TM9SF3: variants seen among roughly 807,000 people sequenced by gnomAD.
TM9SF3 encodes transmembrane 9 superfamily member 3, also known as SM-11044-binding protein.
In TM9SF3, 14 loss-of-function variants were observed where a neutral mutation model predicts 78.6. That is an observed-to-expected ratio of 0.18 (90% CI 0.12 to 0.28). The LOEUF (loss-of-function observed/expected upper bound fraction) is 0.28, where lower values mean the gene tolerates loss of function less well. Among genes scored for constraint, TM9SF3 ranks in the 10% least tolerant of loss-of-function variants. The probability of loss-of-function intolerance (pLI) is 1.00; values close to 1 mark genes in which losing one functional copy is unlikely to be tolerated. For missense variants in TM9SF3, 496 were observed against 721.9 expected, an observed-to-expected ratio of 0.69 and a Z score of 3.59; for synonymous variants, 231 against 241.7, an observed-to-expected ratio of 0.96 and a Z score of 0.41.
intron 9 of TM9SF3, among the ~76,000 whole-genome samples, chr10:96,540,671 C>T (rs1848015529): frequency 6.9e-6 from 1 of 145,248 alleles, no homozygotes; most frequent in African/African-American, 2.6e-5. Context: ...AGTCTTTGAT[C>T]TTGATATCTT....
chr10:96,564,836 T>C (rs1848351387), intron 3 of TM9SF3, among the ~76,000 whole-genome samples: 1 of 152,200 alleles, frequency 6.6e-6, no homozygotes, highest in South Asian at 2.1e-4. Flanking sequence ...TCCATTAATA[T>C]GGATAAATAA....
intron 1 of TM9SF3, among the ~76,000 whole-genome samples, chr10:96,578,388 A>G (rs1322491139): frequency 6.6e-6 from 1 of 152,230 alleles, no homozygotes; most frequent in Non-Finnish European, 1.5e-5. Context: ...AATAAGTATT[A>G]TAATTAAGGT....
At chr10:96,543,137 T>C (rs559862706) in intron 9 of TM9SF3, among the ~76,000 whole-genome samples, 2 of 152,342 alleles carry the variant, frequency 1.3e-5, no homozygotes, top group East Asian at 3.9e-4. Context: ...GCCTTCACTC[T>C]AGTCTAGGCC....
chr10:96,562,236 T>TTTTTA, intron 3 of TM9SF3, 98 bp from the exon 4 acceptor site: 1 of 917,156 alleles, frequency 1.1e-6, no homozygotes, highest in Non-Finnish European at 1.6e-6. Flanking sequence ...TTTTTTTTTT[T>TTTTTA]ACCTCCGCCC....
chr10:96,527,337 T>A (rs10786298), intron 13 of TM9SF3, 48 bp from the exon 14 acceptor site: 1,589,074 of 1,591,020 alleles, frequency 1, 793,590 homozygotes, highest in East Asian at 1. Flanking sequence ...TACTTTCAAC[T>A]TAAGGCCTTA....
At chr10:96,567,743 A>G (rs1041270018) in intron 2 of TM9SF3, among the ~76,000 whole-genome samples, 1 of 152,148 alleles carries the variant, frequency 6.6e-6, no homozygotes, top group African/African-American at 2.4e-5. Flanking sequence ...CTTTGTCCAT[A>G]ACTGATTATA....
intron 3 of TM9SF3, among the ~76,000 whole-genome samples, chr10:96,563,052 A>AG (rs11429843): frequency 0.21 from 32,627 of 152,082 alleles, 3,949 homozygotes; most frequent in Admixed American, 0.31. Flanking sequence ...TTGGGATTGT[A>AG]GGGGATAATG....
chr10:96,561,953 T>A, intron 4 of TM9SF3, 25 bp downstream of exon 4: 1 of 1,585,674 alleles, frequency 6.3e-7, no homozygotes, highest in African/African-American at 1.4e-5. Context: ...CACTACTTCC[T>A]ACATTAAACT....
chr10:96,577,726 T>A (rs1244878716), intron 1 of TM9SF3, among the ~76,000 whole-genome samples: 2 of 152,224 alleles, frequency 1.3e-5, no homozygotes, highest in African/African-American at 4.8e-5. Flanking sequence ...ACTAAGTGCT[T>A]AGCATGTGAA....
At position 96,531,936 on chromosome 10, in the gene TM9SF3, C is replaced by T. The variant is rs563378204; in HGVS notation, c.1325+1115G>A. 6.6e-5 allele frequency among the ~76,000 whole-genome samples: 10 copies of T among 152,172 alleles called. No homozygotes were observed. The East Asian group carries it at 1.5e-3, about 24-fold the overall frequency. ...TTTAAAAAATAAACTACAGGCTGGG[C>T]GTGGTGGCTTACGCCTGTAATCCCA... On this transcript the variant is annotated intron_variant, in intron 10 of 14. Transcript: ENST00000371142.
chr10:96,541,327 G>T (rs1268760199), intron 9 of TM9SF3, among the ~76,000 whole-genome samples: 1 of 152,012 alleles, frequency 6.6e-6, no homozygotes, highest in African/African-American at 2.4e-5. Context: ...AATCATTCTT[G>T]GATAAATTCC....
intron 2 of TM9SF3, chr10:96,576,277 A>C (rs995382034): frequency 6.5e-6 from 1 of 153,850 alleles, no homozygotes; most frequent in African/African-American, 2.4e-5. Flanking sequence ...CAATTTTATT[A>C]ACAATTATCT....
intron 1 of TM9SF3, 30 bp downstream of exon 1, chr10:96,586,703 CG>C: frequency 8.2e-7 from 1 of 1,218,818 alleles, no homozygotes; most frequent in South Asian, 3.8e-5. Context: ...GGAGCTAGCC[CG>C]GGGCGGCCGC....
In TM9SF3 at chr10:96,518,882, T is replaced by C. The variant is rs1847726152; in HGVS notation, c.*3381A>G. 1 of 152,078 alleles carries C rather than the reference T, an allele frequency of 6.6e-6. No individual in the cohort carries two copies. The highest frequency in any genetic ancestry group is 6.5e-5 in the Admixed American group (1 of 15,278). 9.4% of individuals were successfully genotyped at this position (152,078 alleles called of 1,614,324 possible). On this transcript the variant is annotated 3_prime_UTR_variant, in exon 15 of 15. Coordinates refer to ENST00000371142, the MANE Select transcript of TM9SF3 (RefSeq NM_020123.4). ...TAACTATAGAATTTTAGTGAAGATA[T>C]AAAACATTAATGAATACTTGTGTTT...
At chr10:96,543,162 T>C (rs1848054122) in intron 9 of TM9SF3, among the ~76,000 whole-genome samples, 3 of 152,186 alleles carry the variant, frequency 2.0e-5, no homozygotes, top group Non-Finnish European at 4.4e-5. Context: ...ATTCTGTTTC[T>C]AGTAAAAAGG....
intron 7 of TM9SF3, among the ~76,000 whole-genome samples, chr10:96,549,817 T>TAAAAAAAAAAA (rs35197761): frequency 7.1e-6 from 1 of 140,450 alleles, no homozygotes; most frequent in Non-Finnish European, 1.5e-5. Context: ...TTCTGCATTT[T>TAAAAAAAAAAA]AAAAAAAAAA....
chr10:96,565,477 C>CA, intron 2 of TM9SF3, 51 bp from the exon 3 acceptor site: 1 of 1,458,014 alleles, frequency 6.9e-7, no homozygotes, highest in Non-Finnish European at 9.0e-7. Context: ...AAAATAGTTA[C>CA]ATTAAAAAAA....
At chr10:96,570,178 G>A (rs1338225708) in intron 2 of TM9SF3, among the ~76,000 whole-genome samples, 1 of 152,198 alleles carries the variant, frequency 6.6e-6, no homozygotes, top group Admixed American at 6.5e-5. Flanking sequence ...CTTACTAAAT[G>A]TGTTAGAATG....
chr10:96,522,703 AAATC>A lies in TM9SF3; in HGVS notation c.1703-377_1703-374del, dbSNP rs1847793361. ...ATACTATTCTAGGTCATTAAAGTAA[AAATC>A]AATATATCTTCCCAAAATCCAATAG... On this transcript the variant is annotated intron_variant, in intron 14 of 14. Transcript: ENST00000371142. 3.3e-5 allele frequency among the ~76,000 whole-genome samples: 5 copies of A among 152,086 alleles called. No homozygotes were observed. The South Asian group carries it at 8.3e-4, about 25-fold the overall frequency.
Sources: gnomAD v4.1 joint callset for allele counts (sites outside exome capture counted in the v4.1 genomes callset) on GRCh38, gnomAD v4.1.1 for gene constraint, MANE v1.5 for transcripts, NCBI Gene and HGNC (gene_info 2026-07-23, HGNC 2026-07-21) for gene names.